Variants in SOCS5 observed in about 807,000 individuals in gnomAD.
The protein encoded by SOCS5 is CIS-6.
A neutral mutation model predicts 42.8 loss-of-function variants in SOCS5; 32 were observed. The ratio of observed to expected loss-of-function variants is 0.75; its 90% CI spans 0.56 to 1.01. The LOEUF (loss-of-function observed/expected upper bound fraction) is 1.01. Among genes scored for constraint, SOCS5 ranks in the 50% least tolerant of loss-of-function variants. SOCS5 has a pLI of 0.00. For synonymous variants in SOCS5, 283 were observed against 229.6 expected, an observed-to-expected ratio of 1.23 and a Z score of -2.10; for missense variants, 627 against 653.0, an observed-to-expected ratio of 0.96 and a Z score of 0.43.
intron 1 of SOCS5, among the ~76,000 whole-genome samples, chr2:46,707,425 C>T (rs1001407021): frequency 2.0e-5 from 3 of 152,018 alleles, no homozygotes; most frequent in Non-Finnish European, 2.9e-5. Flanking sequence ...AGTATAAGAG[C>T]GCTCATAAAA....
intron 1 of SOCS5, among the ~76,000 whole-genome samples, chr2:46,726,195 C>G (rs1672986159): frequency 6.6e-6 from 1 of 152,142 alleles, no homozygotes; most frequent in Non-Finnish European, 1.5e-5. Flanking sequence ...CTCTCCGGTT[C>G]AAGCAATTCT....
In SOCS5 at chr2:46,763,120, C is replaced by T. The variant is rs1207169144; in HGVS notation, c.*2979C>T. The T allele has an allele frequency of 6.0e-6, 1 of 166,944 alleles. No homozygotes were observed. Among genetic ancestry groups the T allele is most frequent in the African/African-American group, 2.4e-5 (1 of 41,388 alleles). The allele number at this position is 166,944 out of a possible 1,614,324, so 10.3% of individuals were successfully genotyped here. ...CCTTGTTTATAATACAGTCACCTTA[C>T]AAAGAGAAAGAGTTCATCTGTATTT... On this transcript the variant is annotated 3_prime_UTR_variant, in exon 2 of 2. Transcript: ENST00000394861.
chr2:46,743,781 C>T (rs1043493881), intron 1 of SOCS5, among the ~76,000 whole-genome samples: 3 of 152,068 alleles, frequency 2.0e-5, no homozygotes, highest in African/African-American at 7.2e-5. Flanking sequence ...GGGGGCATCT[C>T]CAAATATGTC....
Position 46,762,308 on chromosome 2 carries a change from A to G in SOCS5, c.*2167A>G, listed in dbSNP as rs984098585. 4 of 166,786 alleles carry G rather than the reference A, an allele frequency of 2.4e-5. No homozygotes were observed. Among genetic ancestry groups the G allele is most frequent in the African/African-American group, 9.6e-5 (4 of 41,454 alleles). 10.3% of individuals were successfully genotyped at this position (166,786 alleles called of 1,614,324 possible). On this transcript the variant is annotated 3_prime_UTR_variant, in exon 2 of 2. Coordinates refer to ENST00000394861, the MANE Select transcript of SOCS5 (RefSeq NM_144949.3). ...CTGGAAAATAAACCTCTTGAGAAAA[A>G]GAAAAGTTCATACTGATTATTGGAA...
At chr2:46,728,045 CT>C (rs1052725991) in intron 1 of SOCS5, among the ~76,000 whole-genome samples, 1 of 152,060 alleles carries the variant, frequency 6.6e-6, no homozygotes, top group African/African-American at 2.4e-5. Context: ...CTGTGGGCGC[CT>C]AACTGTTAAC....
intron 1 of SOCS5, among the ~76,000 whole-genome samples, chr2:46,754,208 T>C (rs530940084): frequency 1.3e-5 from 2 of 152,286 alleles, no homozygotes; most frequent in East Asian, 1.9e-4. Context: ...ATTGTCTGTA[T>C]TGGGGAAGCC....
At chr2:46,743,731 T>G (rs919773564) in intron 1 of SOCS5, among the ~76,000 whole-genome samples, 7 of 152,160 alleles carry the variant, frequency 4.6e-5, no homozygotes, top group African/African-American at 1.7e-4. Context: ...CTTGAACATT[T>G]AGTATAATGA....
intron 1 of SOCS5, among the ~76,000 whole-genome samples, chr2:46,730,136 C>T (rs1391533232): frequency 2.6e-5 from 4 of 152,124 alleles, no homozygotes; most frequent in Non-Finnish European, 5.9e-5. Context: ...CATCATTATG[C>T]AGCACATGAC....
rs1673882314 is a variant in SOCS5, at chr2:46,761,991, C to T, written c.*1850C>T. On this transcript the variant is annotated 3_prime_UTR_variant, in exon 2 of 2. Transcript: ENST00000394861. Reference sequence around the variant, plus strand: ...GCATCAGAAGCAGGTTAAATGAAGTCTTGTGAATTTGTAATAGATCAGTAC... The same window carrying T: ...GCATCAGAAGCAGGTTAAATGAAGTTTTGTGAATTTGTAATAGATCAGTAC... 6.0e-6 allele frequency: 1 copy of T among 166,950 alleles called. No individual in the cohort carries two copies. Among genetic ancestry groups the T allele is most frequent in the African/African-American group, 2.4e-5 (1 of 41,424 alleles). 10.3% of individuals were successfully genotyped at this position (166,950 alleles called of 1,614,324 possible).
intron 1 of SOCS5, among the ~76,000 whole-genome samples, chr2:46,712,696 TC>T (rs1435606055): frequency 6.6e-6 from 1 of 152,246 alleles, no homozygotes; most frequent in African/African-American, 2.4e-5. Flanking sequence ...ATGTGGTATT[TC>T]TTCTTTATTC....
At chr2:46,701,045 A>G (rs1310261528) in intron 1 of SOCS5, among the ~76,000 whole-genome samples, 1 of 152,338 alleles carries the variant, frequency 6.6e-6, no homozygotes, top group East Asian at 1.9e-4. Flanking sequence ...TTGAATAACT[A>G]ATGGATAATT....
intron 1 of SOCS5, among the ~76,000 whole-genome samples, chr2:46,740,492 A>T (rs1553337365): frequency 2.0e-5 from 3 of 152,178 alleles, no homozygotes; most frequent in Non-Finnish European, 4.4e-5. Flanking sequence ...AGAAATAGAG[A>T]TTGGCAGTTA....
chr2:46,721,369 C>T (rs1329165618), intron 1 of SOCS5, among the ~76,000 whole-genome samples: 1 of 152,140 alleles, frequency 6.6e-6, no homozygotes, highest in Non-Finnish European at 1.5e-5. Flanking sequence ...ACCCTTAGGG[C>T]ATGGGATATT....
At chr2:46,757,427 A>AT (rs35286407) in intron 1 of SOCS5, among the ~76,000 whole-genome samples, 8 of 151,580 alleles carry the variant, frequency 5.3e-5, no homozygotes, top group Non-Finnish European at 5.9e-5. Flanking sequence ...ACTGCTTTAG[A>AT]TTTTTTTTTA....
intron 1 of SOCS5, among the ~76,000 whole-genome samples, chr2:46,733,406 A>G (rs1272584874): frequency 6.6e-6 from 1 of 152,000 alleles, no homozygotes; most frequent in Non-Finnish European, 1.5e-5. Context: ...GTCCCAGATT[A>G]TTTTATAATA....
chr2:46,719,204 A>G (rs192542277), intron 1 of SOCS5, among the ~76,000 whole-genome samples: 1 of 152,310 alleles, frequency 6.6e-6, no homozygotes, highest in East Asian at 1.9e-4. Context: ...TGTTCACAAT[A>G]TAGTGAATGA....
chr2:46,752,846 A>G (rs1306476841), intron 1 of SOCS5, among the ~76,000 whole-genome samples: 3 of 152,190 alleles, frequency 2.0e-5, no homozygotes, highest in African/African-American at 7.2e-5. Context: ...ATCTCTATTC[A>G]TGCATTTGCC....
rs541824099 is a variant in SOCS5, at chr2:46,725,804, G to A, written c.-13+26355G>A. 8.5e-5 allele frequency among the ~76,000 whole-genome samples: 13 copies of A among 152,048 alleles called. No homozygotes were observed. In the East Asian group the frequency reaches 2.5e-3, roughly 29 times the overall value. ...TTAGTAACTCCTTCAGAGTGGATCT[G>A]CTGGTAATGAATTCTCATAATTTTA... On this transcript the variant is annotated intron_variant, in intron 1 of 1. Transcript: ENST00000394861.
intron 1 of SOCS5, among the ~76,000 whole-genome samples, chr2:46,709,317 C>T (rs1371063880): frequency 6.6e-6 from 1 of 152,132 alleles, no homozygotes; most frequent in African/African-American, 2.4e-5. Context: ...AGTTCTCCCC[C>T]AAAGGTTCTG....
Sources: allele counts gnomAD v4.1 joint callset (sites outside exome capture counted in the v4.1 genomes callset), GRCh38; gene constraint gnomAD v4.1.1; transcripts MANE v1.5; gene names NCBI Gene and HGNC (gene_info 2026-07-23, HGNC 2026-07-21).